LRP5: variants seen among roughly 807,000 people sequenced by gnomAD.
The protein encoded by LRP5 is low-density lipoprotein receptor-related protein 5.
A neutral mutation model predicts 154.1 loss-of-function variants in LRP5; 62 were observed. The ratio of observed to expected loss-of-function variants is 0.40; its 90% CI spans 0.33 to 0.50. The LOEUF (loss-of-function observed/expected upper bound fraction) is 0.50. Among genes scored for constraint, LRP5 ranks in the 20% least tolerant of loss-of-function variants. The pLI is 0.55. For missense variants in LRP5, 1,915 were observed against 2,336.7 expected, an observed-to-expected ratio of 0.82 and a Z score of 3.72; for synonymous variants, 966 against 1,011.5, an observed-to-expected ratio of 0.96 and a Z score of 0.85.
At chr11:68,348,667 G>A (rs1247038429) in intron 2 of LRP5, among the ~76,000 whole-genome samples, 1 of 151,116 alleles carries the variant, frequency 6.6e-6, no homozygotes, top group East Asian at 1.9e-4. Flanking sequence ...TGAACCCGTG[G>A]GGGTGTTGGC....
intron 1 of LRP5, among the ~76,000 whole-genome samples, chr11:68,313,897 C>A (rs1050409059): frequency 6.6e-6 from 1 of 152,164 alleles, no homozygotes; most frequent in African/African-American, 2.4e-5. Context: ...AGTCAGATCC[C>A]CCAGGCTGCA....
At chr11:68,401,664 A>C (rs1257093410) in intron 7 of LRP5, among the ~76,000 whole-genome samples, 1 of 151,244 alleles carries the variant, frequency 6.6e-6, no homozygotes, top group East Asian at 1.9e-4. Flanking sequence ...TGGGTCCCAG[A>C]GCTTCCAGTC....
At chr11:68,324,827 G>A (rs573231996) in intron 1 of LRP5, among the ~76,000 whole-genome samples, 1 of 152,306 alleles carries the variant, frequency 6.6e-6, no homozygotes, top group South Asian at 2.1e-4. Context: ...GTGGGCTGTG[G>A]GTCCCTGGGT....
In LRP5 at chr11:68,423,458, G is replaced by T; in HGVS notation, c.3028-31G>T. 6.2e-7 allele frequency: 1 copy of T among 1,604,020 alleles called. No homozygotes were observed. The highest frequency in any genetic ancestry group is 1.3e-5 in the African/African-American group (1 of 74,830). On this transcript the variant is annotated intron_variant, in intron 13 of 22. Transcript: ENST00000294304. This position sits in a 1 kb window ranked among gnomAD's most constrained non-coding sequence, Gnocchi z 4.7. ...CCAGTGCCCAGGGGTCTCCGCCAGT[G>T]CTCAGGAGTCTTGGTTTCTTTGTCT...
intron 5 of LRP5, among the ~76,000 whole-genome samples, chr11:68,384,055 C>G (rs1681375739): frequency 6.6e-6 from 1 of 152,192 alleles, no homozygotes; most frequent in African/African-American, 2.4e-5. Flanking sequence ...CTGCCTCTCC[C>G]CAGCCTGCCT....
At chr11:68,407,163 G>A (rs1332671175) in intron 9 of LRP5, among the ~76,000 whole-genome samples, 2 of 150,806 alleles carry the variant, frequency 1.3e-5, no homozygotes, top group African/African-American at 4.9e-5. Context: ...GACAAATACA[G>A]GAAGACTTTT....
intron 1 of LRP5, among the ~76,000 whole-genome samples, chr11:68,328,549 C>G (rs1344778257): frequency 6.6e-6 from 1 of 152,144 alleles, no homozygotes; most frequent in Admixed American, 6.5e-5. Context: ...GGGGCTGGGA[C>G]GTCCCACCTC....
chr11:68,311,238 C>T (rs1238226004), upstream of LRP5, among the ~76,000 whole-genome samples: 1 of 152,192 alleles, frequency 6.6e-6, no homozygotes, highest in Non-Finnish European at 1.5e-5. Context: ...GGTGCATTCT[C>T]GATTCCTCTT....
At chr11:68,343,986 G>T (rs1447355154) in intron 1 of LRP5, among the ~76,000 whole-genome samples, 1 of 152,132 alleles carries the variant, frequency 6.6e-6, no homozygotes, top group Non-Finnish European at 1.5e-5. Flanking sequence ...TGCAGGCTGG[G>T]TGGTGCAGGT....
intron 1 of LRP5, among the ~76,000 whole-genome samples, chr11:68,343,642 G>A (rs1272283005): frequency 6.6e-6 from 1 of 152,092 alleles, no homozygotes; most frequent in Non-Finnish European, 1.5e-5. Flanking sequence ...GGTGTGCCGC[G>A]GGTGTCCTTG....
chr11:68,439,735 A>C, intron 20 of LRP5, 42 bp from the exon 21 acceptor site: 1 of 1,597,664 alleles, frequency 6.3e-7, no homozygotes, highest in Non-Finnish European at 8.5e-7. Flanking sequence ...GGCTTGGCTG[A>C]GCCTGGAAGC....
chr11:68,431,795 G>A (rs1349817842), intron 17 of LRP5, among the ~76,000 whole-genome samples: 3 of 152,326 alleles, frequency 2.0e-5, no homozygotes, highest in Admixed American at 6.5e-5. Flanking sequence ...GCCAAGAAAC[G>A]GGGCCGTCAG....
At chr11:68,421,175 C>T (rs1217528006) in intron 13 of LRP5, among the ~76,000 whole-genome samples, 4 of 151,934 alleles carry the variant, frequency 2.6e-5, no homozygotes, top group South Asian at 2.1e-4. Context: ...TGCGGTGAGC[C>T]GAGATCGCTT....
At chr11:68,404,939 C>T (rs972191902) in intron 8 of LRP5, among the ~76,000 whole-genome samples, 7 of 147,862 alleles carry the variant, frequency 4.7e-5, no homozygotes, top group Non-Finnish European at 8.9e-5. Flanking sequence ...CACTGCAGTC[C>T]GCAGTCCGGC....
rs1373204163 is a variant in LRP5, at chr11:68,346,715, A to C, written c.92-1132A>C. Among the ~76,000 whole-genome samples, 3 of 152,216 alleles carry C rather than the reference A, an allele frequency of 2.0e-5. No homozygotes were observed. The East Asian group carries it at 5.8e-4, about 29-fold the overall frequency. On this transcript the variant is annotated intron_variant, in intron 1 of 22. Coordinates refer to ENST00000294304, the MANE Select transcript of LRP5 (RefSeq NM_002335.4). ...CAGCTGTTTCAAGCCAAGGCTTCAG[A>C]TGTTTTTTGGGGGTGTTTGTGGCCA...
At chr11:68,360,632 G>A (rs1001713666) in intron 3 of LRP5, among the ~76,000 whole-genome samples, 17 of 152,242 alleles carry the variant, frequency 1.1e-4, no homozygotes, top group African/African-American at 4.1e-4. Flanking sequence ...TTCCCTCAGT[G>A]CTTCTGGCTG....
upstream of LRP5, among the ~76,000 whole-genome samples, chr11:68,308,923 ATTTTTTTT>A (rs34529621): frequency 1.4e-3 from 106 of 74,482 alleles, 1 homozygote; most frequent in African/African-American, 5.9e-3. Flanking sequence ...TAATCAGCTA[ATTTTTTTT>A]TTTTTTTTTT....
intron 9 of LRP5, among the ~76,000 whole-genome samples, chr11:68,409,148 TATA>T (rs1352567153): frequency 4.7e-4 from 63 of 133,402 alleles, no homozygotes; most frequent in Non-Finnish European, 8.4e-4. Flanking sequence ...TTTATAAATA[TATA>T]ATATATAATA....
intron 4 of LRP5, 80 bp from the exon 5 acceptor site, chr11:68,365,491 C>T (rs1389835471): frequency 1.1e-4 from 179 of 1,603,186 alleles, no homozygotes; most frequent in East Asian, 1.3e-4. Flanking sequence ...TCACGGGGGA[C>T]GAGGCAGGAT....
Sources: allele counts gnomAD v4.1 joint callset (sites outside exome capture counted in the v4.1 genomes callset), GRCh38; gene constraint gnomAD v4.1.1; non-coding constraint Gnocchi (gnomAD v3.1); transcripts MANE v1.5; gene names NCBI Gene and HGNC (gene_info 2026-07-23, HGNC 2026-07-21).